B3GALT1: variants seen among roughly 807,000 people sequenced by gnomAD.
B3GALT1 encodes the protein UDP-Gal:betaGlcNAc beta 1,3-galactosyltransferase, polypeptide 1.
In B3GALT1, 10 loss-of-function variants were observed where a neutral mutation model predicts 23.2. The ratio of observed to expected loss-of-function variants is 0.43; its 90% CI spans 0.27 to 0.73. The LOEUF (loss-of-function observed/expected upper bound fraction) is 0.73, where lower values mean the gene tolerates loss of function less well. Ranked by LOEUF, B3GALT1 falls within the 30% of genes least tolerant of loss-of-function variation. The pLI is 0.21. For synonymous variants in B3GALT1, 156 were observed against 141.5 expected, an observed-to-expected ratio of 1.10 and a Z score of -0.73; for missense variants, 299 against 405.4, an observed-to-expected ratio of 0.74 and a Z score of 2.25.
At chr2:167,506,156 C>G (rs1259264704) in intron 2 of B3GALT1, among the ~76,000 whole-genome samples, 1 of 152,190 alleles carries the variant, frequency 6.6e-6, no homozygotes, top group African/African-American at 2.4e-5. Context: ...TGTAGATTCT[C>G]CCTCCTCTGT....
intron 1 of B3GALT1, among the ~76,000 whole-genome samples, chr2:167,321,682 C>T (rs1163632701): frequency 6.6e-6 from 1 of 152,026 alleles, no homozygotes; most frequent in African/African-American, 2.4e-5. Flanking sequence ...AATCTTACCT[C>T]CTTCTCTATT....
intron 2 of B3GALT1, among the ~76,000 whole-genome samples, chr2:167,567,165 G>C (rs1316757105): frequency 1.3e-5 from 2 of 152,094 alleles, no homozygotes; most frequent in East Asian, 3.8e-4. Flanking sequence ...AAGCTGAGGA[G>C]AGTGTGGCTG....
chr2:167,674,389 G>A (rs1011699457), intron 3 of B3GALT1, among the ~76,000 whole-genome samples: 8 of 152,004 alleles, frequency 5.3e-5, no homozygotes, highest in South Asian at 2.1e-4. Context: ...GAAAAAAAAT[G>A]TTTAATAAAT....
At chr2:167,760,942 G>T (rs1010359896) in intron 3 of B3GALT1, among the ~76,000 whole-genome samples, 1 of 152,164 alleles carries the variant, frequency 6.6e-6, no homozygotes, top group African/African-American at 2.4e-5. Context: ...TACATCAGAG[G>T]CAGGATTTGG....
chr2:167,424,235 C>A lies in B3GALT1; in HGVS notation c.-510-65942C>A, dbSNP rs553286415. Among the ~76,000 whole-genome samples, 3 of 152,204 alleles carry A rather than the reference C, an allele frequency of 2.0e-5. No individual in the cohort carries two copies. In the South Asian group the frequency reaches 6.2e-4, roughly 32 times the overall value. ...AGGTAAAGAAAAAGAAATTTTGGAA[C>A]AACAGAAAACAATGTCTTCCTAAGA... On this transcript the variant is annotated intron_variant, in intron 1 of 4. Coordinates refer to ENST00000392690, the MANE Select transcript of B3GALT1 (RefSeq NM_020981.4).
intron 2 of B3GALT1, among the ~76,000 whole-genome samples, chr2:167,575,589 A>G (rs986636582): frequency 6.6e-6 from 1 of 151,798 alleles, no homozygotes; most frequent in African/African-American, 2.4e-5. Flanking sequence ...GCTTAACCAG[A>G]TTATCATTCA....
chr2:167,586,903 A>G (rs1348905984), intron 2 of B3GALT1, among the ~76,000 whole-genome samples: 6 of 152,226 alleles, frequency 3.9e-5, no homozygotes, highest in Non-Finnish European at 8.8e-5. Context: ...ATGGATTCAT[A>G]TAGGAGAGGA....
At chr2:167,415,491 A>C (rs1698454911) in intron 1 of B3GALT1, among the ~76,000 whole-genome samples, 1 of 152,244 alleles carries the variant, frequency 6.6e-6, no homozygotes, top group Admixed American at 6.5e-5. Flanking sequence ...GAAAATTGGT[A>C]CTGAGAAGTG....
chr2:167,815,666 C>G (rs1206725912), intron 3 of B3GALT1, among the ~76,000 whole-genome samples: 1 of 152,162 alleles, frequency 6.6e-6, no homozygotes, highest in East Asian at 1.9e-4. Flanking sequence ...GAATGGATTT[C>G]TCAGCCATAA....
intron 4 of B3GALT1, among the ~76,000 whole-genome samples, chr2:167,838,632 A>G (rs1318706209): frequency 2.6e-5 from 4 of 152,288 alleles, no homozygotes; most frequent in African/African-American, 9.6e-5. Flanking sequence ...TTCTGAAACT[A>G]TTCCAATCAA....
chr2:167,616,462 G>A (rs1685164157), intron 2 of B3GALT1, among the ~76,000 whole-genome samples: 1 of 152,020 alleles, frequency 6.6e-6, no homozygotes, highest in African/African-American at 2.4e-5. Context: ...CAGCACTTTG[G>A]GAGGCCAAGG....
rs77643645 is a variant in B3GALT1, at chr2:167,741,155, A to G, written c.-351-77517A>G. ...GTTGGCAGCCAGTTTGTATCTATATAGGCCAGATGACACCCCAGAATGTAG... is the reference window on the plus strand; with the variant it reads ...GTTGGCAGCCAGTTTGTATCTATATGGGCCAGATGACACCCCAGAATGTAG... On this transcript the variant is annotated intron_variant, in intron 3 of 4. Coordinates refer to ENST00000392690, the MANE Select transcript of B3GALT1 (RefSeq NM_020981.4). 3.4e-4 allele frequency among the ~76,000 whole-genome samples: 52 copies of G among 152,296 alleles called. 1 individual carries two copies. In the East Asian group the frequency reaches 9.1e-3, roughly 27 times the overall value.
intron 3 of B3GALT1, among the ~76,000 whole-genome samples, chr2:167,673,178 C>A (rs1210408295): frequency 6.6e-6 from 1 of 152,032 alleles, no homozygotes; most frequent in African/African-American, 2.4e-5. Flanking sequence ...ACCAGAAAAT[C>A]TCAAAGATGG....
chr2:167,401,187 T>G (rs1303657597), intron 1 of B3GALT1, among the ~76,000 whole-genome samples: 1 of 152,144 alleles, frequency 6.6e-6, no homozygotes, highest in Non-Finnish European at 1.5e-5. Flanking sequence ...ATTAAGTAAT[T>G]AAAATAGTTT....
intron 3 of B3GALT1, among the ~76,000 whole-genome samples, chr2:167,700,180 G>C (rs1686856746): frequency 6.6e-6 from 1 of 152,106 alleles, no homozygotes; most frequent in Non-Finnish European, 1.5e-5. Flanking sequence ...AGCCTAAGAG[G>C]CTGCAGTGAG....
chr2:167,317,061 G>A (rs1191808967), intron 1 of B3GALT1, among the ~76,000 whole-genome samples: 1 of 152,112 alleles, frequency 6.6e-6, no homozygotes, highest in Non-Finnish European at 1.5e-5. Flanking sequence ...TAAGGATTGA[G>A]CGGGGTGGAT....
chr2:167,479,125 G>A (rs1025024618), intron 1 of B3GALT1, among the ~76,000 whole-genome samples: 5 of 151,988 alleles, frequency 3.3e-5, no homozygotes, highest in African/African-American at 4.8e-5. Context: ...CTGTTTACTA[G>A]TTTTGGGACA....
chr2:167,629,932 A>G (rs933292739), intron 2 of B3GALT1, among the ~76,000 whole-genome samples: 3 of 151,812 alleles, frequency 2.0e-5, no homozygotes, highest in African/African-American at 7.2e-5. Flanking sequence ...ATATCACACA[A>G]TTGGTCTCTC....
intron 1 of B3GALT1, among the ~76,000 whole-genome samples, chr2:167,446,846 CCTT>C (rs201419254): frequency 0.11 from 16,927 of 152,140 alleles, 1,083 homozygotes; most frequent in African/African-American, 0.19. Context: ...TCATCTGAAG[CCTT>C]CTTCTCTCAA....
Sources: allele counts gnomAD v4.1 joint callset (sites outside exome capture counted in the v4.1 genomes callset), GRCh38; gene constraint gnomAD v4.1.1; transcripts MANE v1.5; gene names NCBI Gene and HGNC (gene_info 2026-07-23, HGNC 2026-07-21).